Variants in TCHP observed in about 807,000 individuals in gnomAD.
TCHP encodes trichoplein keratin filament-binding protein.
TCHP carries 81 observed loss-of-function variants against 88.7 expected under a neutral mutation model. The observed-to-expected ratio is 0.91, with a 90% CI of 0.76 to 1.10. The LOEUF is 1.10. TCHP is among the 50% of genes least tolerant of loss of function. The probability of loss-of-function intolerance (pLI) is 0.00; values close to 1 mark genes in which losing one functional copy is unlikely to be tolerated. For synonymous variants in TCHP, 232 were observed against 232.5 expected (o/e 1.00, Z 0.02); for missense variants, 641 against 632.1 (o/e 1.01, Z -0.15).
At chr12:109,904,629 G>T in intron 3 of TCHP, 108 bp from the exon 4 acceptor site, 1 of 910,982 alleles carries the variant, frequency 1.1e-6, no homozygotes, top group Non-Finnish European at 1.7e-6. Context: ...CAGTGACGGT[G>T]TGAAGGGAGG....
rs1592905818 is a variant in TCHP at position 109,903,352 on chromosome 12, A to C, written c.188+138A>C. ...GCATGGTGATGTTTTTCCAGCTGGA[A>C]ATGGAAAAAAAGATCATCAGTGCAG... On this transcript the variant is annotated intron_variant, in intron 2 of 12. Coordinates refer to ENST00000405876, the MANE Select transcript of TCHP (RefSeq NM_001143852.2). The surrounding 1 kb of genome is among the most constrained non-coding windows in gnomAD (Gnocchi z 4.6). The C allele has an allele frequency of 3.9e-6, 3 of 767,670 alleles. No individual in the cohort carries two copies. In the East Asian group the frequency reaches 8.2e-5, roughly 21 times the overall value. 47.6% of individuals were successfully genotyped at this position (767,670 alleles called of 1,614,324 possible).
chr12:109,889,073 A>T, the TCHP span, among the ~76,000 whole-genome samples: 1 of 151,918 alleles, frequency 6.6e-6, no homozygotes, highest in Non-Finnish European at 1.5e-5. Flanking sequence ...TCACACCTGT[A>T]ATCCCAGGAC....
At chr12:109,898,452 C>T (rs1036405783), upstream of TCHP, among the ~76,000 whole-genome samples, 4 of 152,172 alleles carry the variant, frequency 2.6e-5, no homozygotes, top group South Asian at 2.1e-4. Context: ...TCAAGAGATC[C>T]GCCAGCCTTG....
chr12:109,912,774 G>C (rs1870578824), intron 9 of TCHP, among the ~76,000 whole-genome samples: 1 of 152,192 alleles, frequency 6.6e-6, no homozygotes, highest in African/African-American at 2.4e-5. Flanking sequence ...CTGGGCAACA[G>C]AGCGAGACCC....
chr12:109,885,610 A>G, the TCHP span, among the ~76,000 whole-genome samples: 1 of 149,694 alleles, frequency 6.7e-6, no homozygotes, highest in South Asian at 2.1e-4. Flanking sequence ...AGCCTCCCGT[A>G]TAGCTGGACT....
chr12:109,911,783 GA>G (rs1381906372), intron 9 of TCHP, among the ~76,000 whole-genome samples: 2 of 151,724 alleles, frequency 1.3e-5, no homozygotes, highest in East Asian at 3.9e-4. Flanking sequence ...TGAAATCTTA[GA>G]GGTTTAGAAG....
At chr12:109,914,237 C>T (rs934098879) in intron 10 of TCHP, 17 of 465,118 alleles carry the variant, frequency 3.7e-5, no homozygotes, top group South Asian at 2.0e-4. Flanking sequence ...TCTTGGGTTG[C>T]GAGGGAAACA....
the TCHP span, among the ~76,000 whole-genome samples, chr12:109,883,003 T>C: frequency 6.6e-6 from 1 of 151,906 alleles, no homozygotes; most frequent in African/African-American, 2.4e-5. Context: ...CACTAGTGCA[T>C]TTCTGCTGAA....
the TCHP span, among the ~76,000 whole-genome samples, chr12:109,891,898 C>T: frequency 6.6e-5 from 10 of 151,820 alleles, no homozygotes; most frequent in East Asian, 5.9e-4. Flanking sequence ...TTAGTAGAGA[C>T]GGGGTTTCAC....
chr12:109,902,094 C>A (rs1249370565), intron 1 of TCHP, among the ~76,000 whole-genome samples: 1 of 152,216 alleles, frequency 6.6e-6, no homozygotes, highest in Admixed American at 6.5e-5. Context: ...GTCTAGCAAT[C>A]TTAGGACAAT....
At chr12:109,897,549 C>A (rs1869592839), upstream of TCHP, among the ~76,000 whole-genome samples, 2 of 149,624 alleles carry the variant, frequency 1.3e-5, no homozygotes, top group Admixed American at 1.3e-4. Flanking sequence ...TTTTTCTTTT[C>A]TTTTCTTTCT....
chr12:109,916,512 T>C, intron 12 of TCHP, 79 bp from the exon 13 acceptor site: 17 of 1,415,186 alleles, frequency 1.2e-5, no homozygotes, highest in Admixed American at 2.1e-5. Context: ...TCTTTTAGCT[T>C]GTAGTTAAAA....
At chr12:109,884,882 A>G in the TCHP span, among the ~76,000 whole-genome samples, 2 of 152,224 alleles carry the variant, frequency 1.3e-5, no homozygotes, top group African/African-American at 4.8e-5. Context: ...ACATCCATCC[A>G]TGCAGGAAAT....
upstream of TCHP, among the ~76,000 whole-genome samples, chr12:109,897,361 T>C (rs1401701069): frequency 6.6e-6 from 1 of 152,110 alleles, no homozygotes; most frequent in Non-Finnish European, 1.5e-5. Context: ...TCAGGCCACT[T>C]AGGAATGGTT....
upstream of TCHP, among the ~76,000 whole-genome samples, chr12:109,900,014 T>G (rs976509548): frequency 6.6e-6 from 1 of 152,178 alleles, no homozygotes; most frequent in African/African-American, 2.4e-5. Flanking sequence ...CAGGCTGGTA[T>G]CTGGTGATTC....
At chr12:109,914,263 C>A in intron 10 of TCHP, 179 bp from the exon 11 acceptor site, 1 of 538,750 alleles carries the variant, frequency 1.9e-6, no homozygotes, top group East Asian at 3.2e-5. Flanking sequence ...TGTATACTGG[C>A]AAGCGTGGCC....
At chr12:109,884,464 A>G in the TCHP span, among the ~76,000 whole-genome samples, 1 of 152,136 alleles carries the variant, frequency 6.6e-6, no homozygotes, top group Non-Finnish European at 1.5e-5. Context: ...CTGGGATTTC[A>G]AGCATGAGCC....
intron 9 of TCHP, 89 bp from the exon 10 acceptor site, chr12:109,912,902 C>T: frequency 9.9e-7 from 1 of 1,006,104 alleles, no homozygotes; most frequent in Non-Finnish European, 1.6e-6. Flanking sequence ...CCTGCAGAAG[C>T]CATGTGCCCT....
the TCHP span, among the ~76,000 whole-genome samples, chr12:109,894,531 C>T: frequency 2.0e-5 from 3 of 151,188 alleles, no homozygotes; most frequent in Non-Finnish European, 2.9e-5. Context: ...TTTGGGAGGC[C>T]GAGGTGGGCA....
Sources: allele counts gnomAD v4.1 joint callset (sites outside exome capture counted in the v4.1 genomes callset), GRCh38; gene constraint gnomAD v4.1.1; non-coding constraint Gnocchi (gnomAD v3.1); transcripts MANE v1.5; gene names NCBI Gene and HGNC (gene_info 2026-07-23, HGNC 2026-07-21).